SEPTIN9: variants seen among roughly 807,000 people sequenced by gnomAD.
The protein encoded by SEPTIN9 is septin-9.
In SEPTIN9, 13 loss-of-function variants were observed where a neutral mutation model predicts 56.6. That is an observed-to-expected ratio of 0.23 (90% CI 0.15 to 0.37). The LOEUF is 0.37. Ranked by LOEUF, SEPTIN9 falls within the 10% of genes least tolerant of loss-of-function variation. The pLI, the probability that SEPTIN9 is intolerant of heterozygous loss-of-function variation, is 1.00. For missense variants in SEPTIN9, 650 were observed against 823.1 expected, an observed-to-expected ratio of 0.79 and a Z score of 2.57; for synonymous variants, 332 against 334.1, an observed-to-expected ratio of 0.99 and a Z score of 0.07.
rs530224064 is a variant in SEPTIN9 at position 77,496,717 on chromosome 17, T to C, written c.1574-598T>C. ...GTGAAGTGCACATGTCCCTGAGCAA[T>C]GTTTAGCATTGCTGATTCTTGAGCT... On this transcript the variant is annotated intron_variant, in intron 10 of 11. Coordinates refer to ENST00000427177, the MANE Select transcript of SEPTIN9 (RefSeq NM_001113491.2). Among the ~76,000 whole-genome samples, 54 of 152,342 alleles carry C rather than the reference T, an allele frequency of 3.5e-4. No homozygotes were observed. The Middle Eastern group carries it at 0.01, about 29-fold the overall frequency.
chr17:77,320,717 GGT>G (rs1402354960), intron 2 of SEPTIN9, among the ~76,000 whole-genome samples: 1 of 152,232 alleles, frequency 6.6e-6, no homozygotes, highest in Non-Finnish European at 1.5e-5. Flanking sequence ...GGACCTGGCT[GGT>G]GGTTGGTTTG....
rs577131369 is a variant in SEPTIN9, at chr17:77,346,278, C to CTTTTTTTTTTTTT, written c.76+39098_76+39110dup. 1.0e-3 allele frequency among the ~76,000 whole-genome samples: 48 copies of CTTTTTTTTTTTTT among 46,318 alleles called. 1 individual carries two copies. The highest frequency in any genetic ancestry group is 4.5e-3 in the South Asian group (4 of 888). The allele number at this position is 46,318 out of a possible 152,430, so 30.4% of individuals were successfully genotyped here. On this transcript the variant is annotated intron_variant, in intron 2 of 11. Transcript: ENST00000427177. ...AGATTCTTAAAGCAGATCCTTAGGT[C>CTTTTTTTTTTTTT]TTTTTTTTTTTTTTTTTTTTTTTTT... is the stretch of plus-strand genomic sequence containing the variant.
intron 1 of SEPTIN9, 165 bp downstream of exon 1, chr17:77,281,719 C>T (rs866002804): frequency 1.1e-5 from 7 of 619,882 alleles, no homozygotes; most frequent in Middle Eastern, 4.3e-4. Flanking sequence ...GCTGTCGGGC[C>T]GCTTTCGACC....
In SEPTIN9 at chr17:77,371,202, C is replaced by T. The variant is rs1313827930; in HGVS notation, c.77-30857C>T. ...GCTCTGAGTGATTACATTGAAGGGGCAGTGGCTGGGGCTGGAGCCGGTGGG... is the reference window on the plus strand; with the variant it reads ...GCTCTGAGTGATTACATTGAAGGGGTAGTGGCTGGGGCTGGAGCCGGTGGG... On this transcript the variant is annotated intron_variant, in intron 2 of 11. Transcript: ENST00000427177. This position sits in a 1 kb window ranked among gnomAD's most constrained non-coding sequence, Gnocchi z 4.1. 2.0e-5 allele frequency among the ~76,000 whole-genome samples: 3 copies of T among 152,172 alleles called. No individual in the cohort carries two copies. The highest frequency in any genetic ancestry group is 2.0e-4 in the Admixed American group (3 of 15,274).
chr17:77,466,914 T>A (rs2038761292), intron 3 of SEPTIN9, among the ~76,000 whole-genome samples: 1 of 152,156 alleles, frequency 6.6e-6, no homozygotes, highest in East Asian at 1.9e-4. Flanking sequence ...CCCCTGGTGC[T>A]CAGCTCGGCC....
chr17:77,344,899 G>A (rs2033839582), intron 2 of SEPTIN9, among the ~76,000 whole-genome samples: 1 of 150,802 alleles, frequency 6.6e-6, no homozygotes, highest in Non-Finnish European at 1.5e-5. Context: ...TTGAACTAGG[G>A]AGGTGGAGGT....
intron 3 of SEPTIN9, among the ~76,000 whole-genome samples, chr17:77,448,177 T>C (rs1265406415): frequency 1.3e-5 from 2 of 152,246 alleles, no homozygotes; most frequent in Admixed American, 6.5e-5. Context: ...TAGGATCAAA[T>C]TGAGACTATC....
chr17:77,309,016 C>T (rs1414908513), intron 2 of SEPTIN9, among the ~76,000 whole-genome samples: 1 of 152,282 alleles, frequency 6.6e-6, no homozygotes, highest in Non-Finnish European at 1.5e-5. Context: ...GCACTAACCA[C>T]TGGACAGCCC....
intron 3 of SEPTIN9, chr17:77,466,541 G>T (rs1040842504): frequency 1.0e-6 from 1 of 985,528 alleles, no homozygotes. Context: ...CTTCCAGGAG[G>T]TCACCGTTGG....
chr17:77,286,686 C>T (rs1240362163), intron 1 of SEPTIN9, among the ~76,000 whole-genome samples: 1 of 152,228 alleles, frequency 6.6e-6, no homozygotes, highest in Non-Finnish European at 1.5e-5. Context: ...AGAGGTGGCC[C>T]CTGTTTCCGC....
rs1284903868 is a variant in SEPTIN9 at position 77,449,875 on chromosome 17, T to G, written c.722-32269T>G. The stretch of plus-strand genomic sequence containing the variant: ...CTTGCTGTAATTTTGGCGACTGGTG[T>G]TGGTGGTGCCCATTTTATGGATGGG... On this transcript the variant is annotated intron_variant, in intron 3 of 11. Transcript: ENST00000427177. This position sits in a 1 kb window ranked among gnomAD's most constrained non-coding sequence, Gnocchi z 4.6. 6.6e-6 allele frequency among the ~76,000 whole-genome samples: 1 copy of G among 152,148 alleles called. No homozygotes were observed. Among genetic ancestry groups the G allele is most frequent in the Non-Finnish European group, 1.5e-5 (1 of 68,018 alleles).
At chr17:77,462,890 C>T (rs2038543610) in intron 3 of SEPTIN9, among the ~76,000 whole-genome samples, 1 of 152,160 alleles carries the variant, frequency 6.6e-6, no homozygotes, top group African/African-American at 2.4e-5. Flanking sequence ...GATCTGGCCA[C>T]CTTGGCCTTC....
In SEPTIN9 at chr17:77,499,114, G is replaced by C. The variant is rs768867133; in HGVS notation, c.*456G>C. The C allele has an allele frequency of 3.7e-6, 2 of 536,396 alleles. No homozygotes were observed. Among genetic ancestry groups the C allele is most frequent in the Admixed American group, 4.4e-5 (2 of 45,056 alleles). 33.2% of individuals were successfully genotyped at this position (536,396 alleles called of 1,614,324 possible). Reference sequence around the variant, plus strand: ...CCCTGGAGTGTGTCAGAGCCCAGGGGAGAATGCAGCCCACCAGGAGCACCT... The same window carrying C: ...CCCTGGAGTGTGTCAGAGCCCAGGGCAGAATGCAGCCCACCAGGAGCACCT... On this transcript the variant is annotated 3_prime_UTR_variant, in exon 12 of 12. Coordinates refer to ENST00000427177, the MANE Select transcript of SEPTIN9 (RefSeq NM_001113491.2).
chr17:77,444,995 C>A, intron 3 of SEPTIN9: 1 of 370,228 alleles, frequency 2.7e-6, no homozygotes, highest in Non-Finnish European at 5.6e-6. Flanking sequence ...GAGAAGAAAC[C>A]AGAAGAGGAA....
chr17:77,461,007 T>TA (rs905462921), intron 3 of SEPTIN9, among the ~76,000 whole-genome samples: 48 of 152,116 alleles, frequency 3.2e-4, no homozygotes, highest in African/African-American at 1.0e-3. Context: ...AGGGCCCTTT[T>TA]AAAAATCTGT....
rs1456621927 is a variant in SEPTIN9 at position 77,313,107 on chromosome 17, TCTTC to T, written c.76+5912_76+5915del. On this transcript the variant is annotated intron_variant, in intron 2 of 11. Coordinates refer to ENST00000427177, the MANE Select transcript of SEPTIN9 (RefSeq NM_001113491.2). The surrounding 1 kb of genome is among the most constrained non-coding windows in gnomAD (Gnocchi z 4.5). Reference sequence around the variant, plus strand: ...TGAAAGACACCCGCTCTCGGGGGAGTCTTCCGTTGGCTGCAGAGAAGCTTAAACT... The same window carrying T: ...TGAAAGACACCCGCTCTCGGGGGAGTCGTTGGCTGCAGAGAAGCTTAAACT... 1.3e-5 allele frequency among the ~76,000 whole-genome samples: 2 copies of T among 151,620 alleles called. No individual in the cohort carries two copies. Among genetic ancestry groups the T allele is most frequent in the Admixed American group, 1.3e-4 (2 of 15,238 alleles).
chr17:77,442,884 T>TAA (rs200357539), intron 3 of SEPTIN9, among the ~76,000 whole-genome samples: 1 of 131,950 alleles, frequency 7.6e-6, no homozygotes, highest in Admixed American at 7.5e-5. Flanking sequence ...AAAAAACAAA[T>TAA]AAAAAAAAAA....
Position 77,307,209 on chromosome 17 carries a change from G to A in SEPTIN9, c.76+12G>A, listed in dbSNP as rs753825923. On this transcript the variant is annotated intron_variant, in intron 2 of 11. Transcript: ENST00000427177. ...CTCCAGTGGCCCAGGTAGGTGGCTC[G>A]CTCCGCTCTGGCCCCACCCAGCTCA... The A allele has an allele frequency of 1.4e-5, 23 of 1,612,328 alleles. No individual in the cohort carries two copies. The highest frequency in any genetic ancestry group is 1.3e-4 in the South Asian group (12 of 91,064).
intron 3 of SEPTIN9, among the ~76,000 whole-genome samples, chr17:77,473,484 C>T (rs758842502): frequency 9.2e-5 from 14 of 152,180 alleles, no homozygotes; most frequent in South Asian, 2.1e-4. Context: ...CCTCCCGCCT[C>T]GGCCTCCCAG....
Sources: allele counts gnomAD v4.1 joint callset (sites outside exome capture counted in the v4.1 genomes callset), GRCh38; gene constraint gnomAD v4.1.1; non-coding constraint Gnocchi (gnomAD v3.1); transcripts MANE v1.5; gene names NCBI Gene and HGNC (gene_info 2026-07-23, HGNC 2026-07-21).